MYCBP2: variants seen among roughly 807,000 people sequenced by gnomAD.
The protein encoded by MYCBP2 is E3 ubiquitin-protein ligase MYCBP2.
A neutral mutation model predicts 525.3 loss-of-function variants in MYCBP2; 120 were observed. The ratio of observed to expected loss-of-function variants is 0.23; its 90% CI spans 0.20 to 0.27. MYCBP2 has a LOEUF of 0.27. Among genes scored for constraint, MYCBP2 ranks in the 10% least tolerant of loss-of-function variants. The pLI, the probability that MYCBP2 is intolerant of heterozygous loss-of-function variation, is 1.00. For synonymous variants in MYCBP2, 1,894 were observed against 1,955.8 expected (o/e 0.97, Z 0.83); for missense variants, 4,149 against 5,657.1 (o/e 0.73, Z 8.55).
chr13:77,229,955 T>G (rs1487376921), intron 18 of MYCBP2, among the ~76,000 whole-genome samples: 9 of 152,208 alleles, frequency 5.9e-5, no homozygotes, highest in Admixed American at 5.9e-4. Flanking sequence ...CCTAACTATG[T>G]ACACTATTAA....
At chr13:77,217,715 T>C (rs2065016614) in intron 21 of MYCBP2, 125 bp downstream of exon 21, 6 of 506,184 alleles carry the variant, frequency 1.2e-5, no homozygotes, top group Admixed American at 1.2e-4. Flanking sequence ...GCATGAAATA[T>C]GCATATGTAA....
rs1053487597 is a variant in MYCBP2, at chr13:77,297,017, G to GA, written c.303-344dup. Among the ~76,000 whole-genome samples, 171 of 151,980 alleles carry GA rather than the reference G, an allele frequency of 1.1e-3. 1 individual carries two copies. The highest frequency in any genetic ancestry group is 3.8e-3 in the African/African-American group (159 of 41,484). The stretch of plus-strand genomic sequence containing the variant: ...TTACAAATGTCAGTGATGTTTCCAA[G>GA]AAAAAAAATCTGCTCTTTTTGGTAG... On this transcript the variant is annotated intron_variant, in intron 1 of 82. Coordinates refer to ENST00000544440, the MANE Select transcript of MYCBP2 (RefSeq NM_015057.5).
chr13:77,092,885 A>G (rs2045669857), intron 59 of MYCBP2, among the ~76,000 whole-genome samples: 1 of 152,196 alleles, frequency 6.6e-6, no homozygotes, highest in Non-Finnish European at 1.5e-5. Context: ...ATGAAAACTC[A>G]AAGTAACCCT....
intron 23 of MYCBP2, 122 bp from the exon 24 acceptor site, chr13:77,206,947 T>A: frequency 1.3e-6 from 1 of 770,418 alleles, no homozygotes; most frequent in Non-Finnish European, 1.9e-6. Context: ...AGGACAAATG[T>A]AGCTCATTAT....
chr13:77,183,843 C>T lies in MYCBP2; in HGVS notation c.4719+1260G>A, dbSNP rs141986739. ...GATTACAGGCATGAGCCACCGTGCCCGGTGAACCCCTATTTCACTTTTGAT... is the reference window on the plus strand; with the variant it reads ...GATTACAGGCATGAGCCACCGTGCCTGGTGAACCCCTATTTCACTTTTGAT... On this transcript the variant is annotated intron_variant, in intron 32 of 82. Coordinates refer to ENST00000544440, the MANE Select transcript of MYCBP2 (RefSeq NM_015057.5). 1.2e-3 allele frequency among the ~76,000 whole-genome samples: 177 copies of T among 152,068 alleles called. 1 individual carries two copies. Among genetic ancestry groups the T allele is most frequent in the Middle Eastern group, 3.4e-3 (1 of 294 alleles).
intron 65 of MYCBP2, among the ~76,000 whole-genome samples, chr13:77,079,197 C>T (rs562841657): frequency 6.6e-6 from 1 of 152,246 alleles, no homozygotes; most frequent in South Asian, 2.1e-4. Context: ...AACAAATCTG[C>T]TTGTCACTTA....
At chr13:77,063,399 T>C (rs567422809) in intron 73 of MYCBP2, among the ~76,000 whole-genome samples, 1 of 151,570 alleles carries the variant, frequency 6.6e-6, no homozygotes, top group South Asian at 2.1e-4. Flanking sequence ...CTTTACTAAA[T>C]ACAAAAAAAA....
Position 77,212,027 on chromosome 13 carries a change from C to T in MYCBP2, c.3191G>A (p.Arg1064Gln), listed in dbSNP as rs766468180. The change falls in exon 22 of 83, where the codon CGA becomes CAA. Residue 1064 changes from arginine to glutamine, a missense_variant. Physicochemically the swap from Arg to Gln is conservative, Grantham distance 43. Coordinates refer to ENST00000544440, the MANE Select transcript of MYCBP2 (RefSeq NM_015057.5). ...AGAATTAATAAGTGCTTCATCAATT[C>T]GTAAAAAAGTTTGGTCCCCACTTGC... The part of the protein sequence containing the change: ...IGASGDQTFL[R>Q]IDEALINSHV... 12 of 1,613,950 alleles carry T rather than the reference C, an allele frequency of 7.4e-6. No individual in the cohort carries two copies. Among genetic ancestry groups the T allele is most frequent in the African/African-American group, 2.7e-5 (2 of 74,916 alleles).
intron 2 of MYCBP2, among the ~76,000 whole-genome samples, chr13:77,289,801 A>C (rs935559645): frequency 3.9e-5 from 6 of 152,194 alleles, no homozygotes; most frequent in African/African-American, 9.6e-5. Flanking sequence ...AGGAATCTGC[A>C]AAAAAGTTAC....
chr13:77,211,062 A>C, intron 23 of MYCBP2, 105 bp downstream of exon 23: 3 of 779,888 alleles, frequency 3.8e-6, no homozygotes, highest in Non-Finnish European at 5.4e-6. Context: ...GATAAACAGG[A>C]GAGTACTCAC....
At chr13:77,205,932 C>T (rs1032528878) in intron 24 of MYCBP2, among the ~76,000 whole-genome samples, 3 of 152,062 alleles carry the variant, frequency 2.0e-5, no homozygotes, top group Non-Finnish European at 2.9e-5. Flanking sequence ...GAGGAAGACA[C>T]ATTAGTGTCA....
intron 5 of MYCBP2, among the ~76,000 whole-genome samples, chr13:77,271,677 T>C (rs923328115): frequency 6.6e-6 from 1 of 152,234 alleles, no homozygotes; most frequent in Non-Finnish European, 1.5e-5. Flanking sequence ...CTTTGCCTGC[T>C]GCCATCCACG....
chr13:77,201,882 A>G (rs550602142), intron 26 of MYCBP2, among the ~76,000 whole-genome samples: 60 of 152,316 alleles, frequency 3.9e-4, no homozygotes, highest in African/African-American at 1.4e-3. Flanking sequence ...TCTCTGGGAC[A>G]CATTCAAAGC....
At chr13:77,258,339 TAAACTTC>T (rs2072607761) in intron 13 of MYCBP2, among the ~76,000 whole-genome samples, 1 of 152,240 alleles carries the variant, frequency 6.6e-6, no homozygotes, top group Admixed American at 6.5e-5. Flanking sequence ...AGTTATTTTC[TAAACTTC>T]ACTTATTCAT....
At chr13:77,145,743 T>A (rs967554721) in intron 48 of MYCBP2, among the ~76,000 whole-genome samples, 18 of 152,068 alleles carry the variant, frequency 1.2e-4, no homozygotes, top group African/African-American at 4.3e-4. Flanking sequence ...GTTAACAGAA[T>A]TACTTACGGG....
chr13:77,088,120 C>T (rs561295431), intron 61 of MYCBP2, among the ~76,000 whole-genome samples: 76 of 151,728 alleles, frequency 5.0e-4, no homozygotes, highest in Non-Finnish European at 9.6e-4. Context: ...TGAAAGCACA[C>T]GGAACTTGAA....
rs77717774 is a variant in MYCBP2 at position 77,188,610 on chromosome 13, C to T, written c.4251+341G>A. Among the ~76,000 whole-genome samples the T allele has an allele frequency of 6.9e-3, 1,053 of 152,294 alleles. 45 individuals carry two copies. The East Asian group carries it at 0.12, about 18-fold the overall frequency. ...CACCTAGTTCCTCAAGTAGTAATCACGCTTTTTTGGGCCAGCACCATCCTT... is the reference window on the plus strand; with the variant it reads ...CACCTAGTTCCTCAAGTAGTAATCATGCTTTTTTGGGCCAGCACCATCCTT... On this transcript the variant is annotated intron_variant, in intron 30 of 82. Transcript: ENST00000544440.
At position 77,126,513 on chromosome 13, in the gene MYCBP2, G is replaced by A; in HGVS notation, c.7689C>T (p.Phe2563=). 1 of 1,612,018 alleles carries A rather than the reference G, an allele frequency of 6.2e-7. No individual in the cohort carries two copies. The highest frequency in any genetic ancestry group is 1.1e-5 in the South Asian group (1 of 90,746). ...GTGGGCAGCAGGAGTTTATGTCTTT[G>A]AAAAAGTCATCAGTATTAGTTTTAG... is the stretch of plus-strand genomic sequence containing the variant. ...DESKTNTDDF[F]KDINSCCPQE... is the part of the protein sequence containing the mutation. Residue 2563 remains phenylalanine (F), a synonymous_variant, in exon 53 of 83, where the codon TTC becomes TTT. Coordinates refer to ENST00000544440, the MANE Select transcript of MYCBP2 (RefSeq NM_015057.5).
At chr13:77,046,683 T>A (rs1252632711) in intron 82 of MYCBP2, among the ~76,000 whole-genome samples, 1 of 151,986 alleles carries the variant, frequency 6.6e-6, no homozygotes, top group Non-Finnish European at 1.5e-5. Context: ...GACATTAGAG[T>A]GTCAAACTGA....
Sources: allele counts gnomAD v4.1 joint callset (sites outside exome capture counted in the v4.1 genomes callset), GRCh38; gene constraint gnomAD v4.1.1; transcripts MANE v1.5; gene names NCBI Gene and HGNC (gene_info 2026-07-23, HGNC 2026-07-21).